Variants in SRBD1 observed in about 807,000 individuals in gnomAD.
SRBD1 encodes the protein S1 RNA-binding domain-containing protein 1.
SRBD1 carries 88 observed loss-of-function variants against 115.3 expected under a neutral mutation model. That is an observed-to-expected ratio of 0.76 (90% CI 0.64 to 0.91). SRBD1 has a LOEUF of 0.91. Ranked by LOEUF, SRBD1 falls within the 40% of genes least tolerant of loss-of-function variation. SRBD1 has a pLI of 0.00. For synonymous variants in SRBD1, 509 were observed against 407.7 expected (o/e 1.25, Z -2.99); for missense variants, 1,385 against 1,177.4 (o/e 1.18, Z -2.58).
At chr2:45,427,846 A>G (rs1668204763) in intron 16 of SRBD1, among the ~76,000 whole-genome samples, 1 of 152,186 alleles carries the variant, frequency 6.6e-6, no homozygotes, top group African/African-American at 2.4e-5. Flanking sequence ...CCAGATTCAT[A>G]AAGCAAGTTC....
At chr2:45,539,580 G>A (rs1671869420) in intron 14 of SRBD1, among the ~76,000 whole-genome samples, 1 of 152,142 alleles carries the variant, frequency 6.6e-6, no homozygotes, top group Admixed American at 6.6e-5. Flanking sequence ...ATGTAGCGGG[G>A]AACTACTGAT....
At chr2:45,401,473 G>A (rs562125340) in intron 19 of SRBD1, among the ~76,000 whole-genome samples, 24 of 152,260 alleles carry the variant, frequency 1.6e-4, no homozygotes, top group Admixed American at 1.1e-3. Flanking sequence ...AGCCAGGAAC[G>A]AGTCTTTCTG....
At chr2:45,606,320 C>G (rs1436775644) in intron 1 of SRBD1, among the ~76,000 whole-genome samples, 2 of 152,072 alleles carry the variant, frequency 1.3e-5, no homozygotes, top group African/African-American at 2.4e-5. Context: ...CCAACACACC[C>G]GGCTAATTTT....
At chr2:45,586,905 T>G (rs1673543530) in intron 4 of SRBD1, among the ~76,000 whole-genome samples, 1 of 63,018 alleles carries the variant, frequency 1.6e-5, no homozygotes, top group South Asian at 4.0e-4. Context: ...TCATTGGTAT[T>G]TTAAATATTT....
At chr2:45,591,951 C>G (rs182814462) in intron 4 of SRBD1, among the ~76,000 whole-genome samples, 1 of 152,260 alleles carries the variant, frequency 6.6e-6, no homozygotes, top group African/African-American at 2.4e-5. Flanking sequence ...CAAATCTCAA[C>G]TTGAATTGTA....
At chr2:45,483,669 A>G (rs928879777) in intron 15 of SRBD1, among the ~76,000 whole-genome samples, 1 of 152,082 alleles carries the variant, frequency 6.6e-6, no homozygotes. Context: ...CTGTATTTTT[A>G]AAGTCCAATA....
At chr2:45,500,228 C>CTCTG (rs71394836) in intron 14 of SRBD1, among the ~76,000 whole-genome samples, 7 of 146,458 alleles carry the variant, frequency 4.8e-5, no homozygotes, top group Non-Finnish European at 1.1e-4. Flanking sequence ...TAAATTTATC[C>CTCTG]TGTGTGTGTG....
chr2:45,579,874 C>T lies in SRBD1; in HGVS notation c.1072+1G>A, dbSNP rs1468030763. 6.4e-7 allele frequency: 1 copy of T among 1,563,684 alleles called. No individual in the cohort carries two copies. The highest frequency in any genetic ancestry group is 1.4e-5 in the African/African-American group (1 of 71,950). ...TTGATCTCTGTAAATAAAGCCAGTA[C>T]CTTTAACGTCAGGCCTAATGTACGA... On this transcript the variant is annotated splice_donor_variant, in intron 7 of 20. Transcript: ENST00000263736. LOFTEE classifies it high-confidence loss of function.
At chr2:45,487,948 G>A (rs549057238) in intron 15 of SRBD1, among the ~76,000 whole-genome samples, 2 of 152,076 alleles carry the variant, frequency 1.3e-5, no homozygotes, top group Non-Finnish European at 2.9e-5. Context: ...CACCGCACCC[G>A]GCCTATTATT....
chr2:45,476,610 AGATCTAC>A (rs1011293245), intron 16 of SRBD1, among the ~76,000 whole-genome samples: 2 of 152,176 alleles, frequency 1.3e-5, no homozygotes, highest in African/African-American at 4.8e-5. Context: ...ATCACACATA[AGATCTAC>A]TTATCTACTG....
chr2:45,539,087 T>C (rs139066223), intron 14 of SRBD1, among the ~76,000 whole-genome samples: 1 of 152,176 alleles, frequency 6.6e-6, no homozygotes, highest in African/African-American at 2.4e-5. Context: ...TACTTTGGTG[T>C]CGGAAAATAG....
intron 4 of SRBD1, among the ~76,000 whole-genome samples, chr2:45,586,213 A>G (rs2104200384): frequency 6.6e-6 from 1 of 152,346 alleles, no homozygotes; most frequent in South Asian, 2.1e-4. Flanking sequence ...CAGCAATTCT[A>G]CTACTGGAAA....
At chr2:45,588,317 G>C (rs745552938) in intron 4 of SRBD1, among the ~76,000 whole-genome samples, 1 of 152,150 alleles carries the variant, frequency 6.6e-6, no homozygotes, top group Non-Finnish European at 1.5e-5. Context: ...TTAGATGCCA[G>C]CCCAATAGCC....
At chr2:45,453,561 G>A (rs1669061300) in intron 16 of SRBD1, among the ~76,000 whole-genome samples, 1 of 151,690 alleles carries the variant, frequency 6.6e-6, no homozygotes, top group African/African-American at 2.4e-5. Flanking sequence ...CATACATGGA[G>A]AGAAAAAATG....
At chr2:45,592,478 G>C (rs1430612338) in intron 4 of SRBD1, among the ~76,000 whole-genome samples, 1 of 152,084 alleles carries the variant, frequency 6.6e-6, no homozygotes, top group African/African-American at 2.4e-5. Context: ...GCCTGCTTGG[G>C]TCTCTTCCGA....
At chr2:45,443,202 T>A (rs543908452) in intron 16 of SRBD1, among the ~76,000 whole-genome samples, 1 of 152,256 alleles carries the variant, frequency 6.6e-6, no homozygotes, top group South Asian at 2.1e-4. Flanking sequence ...GAAGTCCTGG[T>A]AAGAGACTTT....
chr2:45,539,379 G>C (rs1003186979), intron 14 of SRBD1, among the ~76,000 whole-genome samples: 10 of 152,168 alleles, frequency 6.6e-5, no homozygotes, highest in African/African-American at 2.2e-4. Flanking sequence ...GAATAAAATA[G>C]AAAACCCAGG....
intron 12 of SRBD1, among the ~76,000 whole-genome samples, chr2:45,548,485 C>G (rs1381725270): frequency 6.6e-6 from 1 of 151,888 alleles, no homozygotes; most frequent in Admixed American, 6.6e-5. Flanking sequence ...TTAGAAATAT[C>G]TTACCAAAAC....
chr2:45,587,720 A>G (rs1673592186), intron 4 of SRBD1, among the ~76,000 whole-genome samples: 1 of 152,158 alleles, frequency 6.6e-6, no homozygotes, highest in Non-Finnish European at 1.5e-5. Flanking sequence ...CTTATCACCC[A>G]TTCTGATGGA....
Sources: gnomAD v4.1 joint callset for allele counts (sites outside exome capture counted in the v4.1 genomes callset) on GRCh38, gnomAD v4.1.1 for gene constraint, MANE v1.5 for transcripts, NCBI Gene and HGNC (gene_info 2026-07-23, HGNC 2026-07-21) for gene names.